Variants in CEP120 observed in about 807,000 individuals in gnomAD.
The protein encoded by CEP120 is centrosomal protein of 120 kDa.
Under a neutral mutation model 126.5 loss-of-function variants are expected in CEP120, and 113 were observed. The observed-to-expected ratio is 0.89, with a 90% CI of 0.77 to 1.04. The LOEUF is 1.04. Ranked by LOEUF, CEP120 falls within the 50% of genes least tolerant of loss-of-function variation. CEP120 has a pLI of 0.00. For missense variants in CEP120, 1,230 were observed against 1,155.7 expected, an observed-to-expected ratio of 1.06 and a Z score of -0.93; for synonymous variants, 400 against 394.3, an observed-to-expected ratio of 1.01 and a Z score of -0.17.
intron 4 of CEP120, among the ~76,000 whole-genome samples, chr5:123,404,503 G>C (rs1227102096): frequency 6.6e-6 from 1 of 152,196 alleles, no homozygotes; most frequent in African/African-American, 2.4e-5. Flanking sequence ...TGCATTGGAA[G>C]AGCGTGTACA....
At chr5:123,370,300 T>G (rs936125764) in intron 17 of CEP120, among the ~76,000 whole-genome samples, 1 of 151,956 alleles carries the variant, frequency 6.6e-6, no homozygotes, top group African/African-American at 2.4e-5. Flanking sequence ...CTTTAAGGAT[T>G]TGAGTGCTGG....
Position 123,386,681 on chromosome 5 carries a change from A to C in CEP120, c.1431-14T>G. The C allele has an allele frequency of 7.2e-7, 1 of 1,387,996 alleles. No homozygotes were observed. The highest frequency in any genetic ancestry group is 9.5e-7 in the Non-Finnish European group (1 of 1,056,170). 86.0% of individuals were successfully genotyped at this position (1,387,996 alleles called of 1,614,324 possible). ...GGATATGAGTACCTAGAATTTAAAAAAAAAAAAAAAAAAAAAAGCCTTAAT... is the reference window on the plus strand; with the variant it reads ...GGATATGAGTACCTAGAATTTAAAACAAAAAAAAAAAAAAAAAGCCTTAAT... On this transcript the variant is annotated splice_polypyrimidine_tract_variant and intron_variant, in intron 9 of 19. Transcript: ENST00000306467.
At chr5:123,386,453 T>C (rs1772022609) in intron 10 of CEP120, 65 bp downstream of exon 10, 1 of 1,180,578 alleles carries the variant, frequency 8.5e-7, no homozygotes, top group Non-Finnish European at 1.1e-6. Context: ...TCCTTTTTAA[T>C]AAAATACAAA....
chr5:123,346,415 A>AT lies in CEP120; in HGVS notation c.*103dup, dbSNP rs1768818434. On this transcript the variant is annotated 3_prime_UTR_variant, in exon 20 of 20. Coordinates refer to ENST00000306467, the MANE Select transcript of CEP120 (RefSeq NM_001375405.1). Reference sequence around the variant, plus strand: ...ACATACAAAATTTTGCTTATAAAAAATTGAAAATACCATTTTAAAACATCC... The same window carrying AT: ...ACATACAAAATTTTGCTTATAAAAAATTTGAAAATACCATTTTAAAACATCC... The AT allele has an allele frequency of 1.2e-6, 1 of 863,648 alleles. No individual in the cohort carries two copies. Among genetic ancestry groups the AT allele is most frequent in the African/African-American group, 1.7e-5 (1 of 58,510 alleles). 53.5% of individuals were successfully genotyped at this position (863,648 alleles called of 1,614,324 possible). A position where few individuals can be genotyped will look rare whatever the true frequency, so the allele number is the denominator to read the frequency against.
At position 123,378,436 on chromosome 5, in the gene CEP120, A is replaced by G. The variant is rs750226035; in HGVS notation, c.2104-8T>C. On this transcript the variant is annotated splice_region_variant and splice_polypyrimidine_tract_variant and intron_variant, in intron 14 of 19. Transcript: ENST00000306467. ...AATAGTATATTCAGCCACCTAAAATATAGTAAAAAAAAAAAAAAAAAAGTT... is the reference window on the plus strand; with the variant it reads ...AATAGTATATTCAGCCACCTAAAATGTAGTAAAAAAAAAAAAAAAAAAGTT... 4 of 1,369,068 alleles carry G rather than the reference A, an allele frequency of 2.9e-6. No individual in the cohort carries two copies. Among genetic ancestry groups the G allele is most frequent in the Non-Finnish European group, 3.9e-6 (4 of 1,014,744 alleles). 84.8% of individuals were successfully genotyped at this position (1,369,068 alleles called of 1,614,324 possible).
At chr5:123,360,511 T>TCTTTCATGGAGTATAAGTTTC (rs1769995738) in intron 18 of CEP120, among the ~76,000 whole-genome samples, 1 of 151,928 alleles carries the variant, frequency 6.6e-6, no homozygotes, top group Non-Finnish European at 1.5e-5. Context: ...AAAGAACTTT[T>TCTTTCATGGAGTATAAGTTTC]CTTTCATGGA....
At chr5:123,403,200 G>A (rs754779505) in intron 4 of CEP120, 12 of 441,412 alleles carry the variant, frequency 2.7e-5, no homozygotes, top group Admixed American at 2.6e-4. Flanking sequence ...GTGACACCTC[G>A]ATATCAGCTA....
intron 16 of CEP120, among the ~76,000 whole-genome samples, chr5:123,375,007 C>T (rs926942166): frequency 3.9e-5 from 6 of 152,136 alleles, no homozygotes; most frequent in African/African-American, 1.4e-4. Flanking sequence ...TCAGCTCTCA[C>T]TGACAGTGTA....
In CEP120 at chr5:123,386,624, T is replaced by G; in HGVS notation, c.1474A>C (p.Asn492His). ...TTTTTCCGAACTTCTACAGGAGGAT[T>G]AGTCATAATAGGAGCTGCACTTCCA... is the stretch of plus-strand genomic sequence containing the variant. Reference protein sequence around the residue: ...FFGSAAPIMTNPPVEVRKNME... With the variant: ...FFGSAAPIMTHPPVEVRKNME... Residue 492 changes from asparagine (N) to histidine (H), a missense_variant, in exon 10 of 20, where the codon AAT (asparagine) becomes CAT (histidine). Physicochemically the swap from Asn to His is moderately conservative, Grantham distance 68. Coordinates refer to ENST00000306467, the MANE Select transcript of CEP120 (RefSeq NM_001375405.1). The G allele has an allele frequency of 6.3e-7, 1 of 1,581,222 alleles. No homozygotes were observed.
chr5:123,420,952 T>C (rs74878762), intron 1 of CEP120, among the ~76,000 whole-genome samples: 4,314 of 152,264 alleles, frequency 0.028, 203 homozygotes, highest in African/African-American at 0.098. Context: ...TTATGATGAA[T>C]GGAAATACAG....
Position 123,372,687 on chromosome 5 carries a change from C to A in CEP120, c.2444G>T (p.Arg815Leu), listed in dbSNP as rs142792779. 15 of 1,611,818 alleles carry A rather than the reference C, an allele frequency of 9.3e-6. No individual in the cohort carries two copies. Among genetic ancestry groups the A allele is most frequent in the Non-Finnish European group, 6.8e-6 (8 of 1,178,936 alleles). The part of the protein sequence containing the change: ...KDQQNNKPEI[R>L]LQSEINLLTL... The stretch of plus-strand genomic sequence containing the variant: ...GAGAAGATTTATTTCAGACTGTAGA[C>A]GGATTTCTGGTTTGTTGTTTTGCTG... The change falls in exon 17 of 20, where the codon CGT (arginine) becomes CTT (leucine). Residue 815 changes from arginine (R) to leucine (L), a missense_variant. Arg to Leu is a moderately radical substitution (Grantham distance 102). Transcript: ENST00000306467.
intron 6 of CEP120, among the ~76,000 whole-genome samples, chr5:123,392,221 A>C (rs2127073491): frequency 6.6e-6 from 1 of 152,362 alleles, no homozygotes; most frequent in Middle Eastern, 3.4e-3. Flanking sequence ...GAAACTAATA[A>C]ATCAATACTT....
At chr5:123,353,616 T>C (rs1471006382) in intron 18 of CEP120, among the ~76,000 whole-genome samples, 2 of 151,950 alleles carry the variant, frequency 1.3e-5, no homozygotes, top group Admixed American at 6.6e-5. Context: ...TGAAGACATA[T>C]GGGTCTGGAG....
chr5:123,407,179 G>T (rs957392098), intron 4 of CEP120, among the ~76,000 whole-genome samples: 1 of 150,656 alleles, frequency 6.6e-6, no homozygotes, highest in East Asian at 1.9e-4. Flanking sequence ...CACAAATGTG[G>T]GAAAAGAGTT....
intron 18 of CEP120, among the ~76,000 whole-genome samples, chr5:123,355,032 G>A (rs976069062): frequency 1.3e-4 from 20 of 151,388 alleles, no homozygotes; most frequent in African/African-American, 4.6e-4. Context: ...GAGAACATGC[G>A]GTGTTTGGTT....
At chr5:123,407,567 G>A (rs931517118) in intron 4 of CEP120, among the ~76,000 whole-genome samples, 1 of 152,096 alleles carries the variant, frequency 6.6e-6, no homozygotes, top group Admixed American at 6.5e-5. Context: ...ACCTAACAGA[G>A]TATCAAAATA....
intron 2 of CEP120, among the ~76,000 whole-genome samples, chr5:123,417,078 T>C (rs936702171): frequency 6.6e-6 from 1 of 152,162 alleles, no homozygotes; most frequent in South Asian, 2.1e-4. Context: ...TCATCACTTA[T>C]AAATTCAATT....
intron 1 of CEP120, among the ~76,000 whole-genome samples, chr5:123,420,191 T>G (rs1342834594): frequency 6.6e-6 from 1 of 152,200 alleles, no homozygotes; most frequent in African/African-American, 2.4e-5. Flanking sequence ...AAAAGATACC[T>G]AGCTTCCCCA....
chr5:123,418,875 G>C (rs1774543024), intron 1 of CEP120, among the ~76,000 whole-genome samples: 1 of 152,144 alleles, frequency 6.6e-6, no homozygotes, highest in Non-Finnish European at 1.5e-5. Context: ...GAGCCACCAT[G>C]CCCAGCCTAG....
Sources: gnomAD v4.1 joint callset for allele counts (sites outside exome capture counted in the v4.1 genomes callset) on GRCh38, gnomAD v4.1.1 for gene constraint, MANE v1.5 for transcripts, NCBI Gene and HGNC (gene_info 2026-07-23, HGNC 2026-07-21) for gene names.